Variants in NEGR1 observed in about 807,000 individuals in gnomAD.
The protein encoded by NEGR1 is IgLON family member 4.
NEGR1 carries 10 observed loss-of-function variants against 40.9 expected under a neutral mutation model. That is an observed-to-expected ratio of 0.24 (90% confidence interval 0.15 to 0.42). The LOEUF is 0.42. NEGR1 is among the 10% of genes least tolerant of loss of function. NEGR1 has a pLI of 1.00. For missense variants in NEGR1, 352 were observed against 438.9 expected, an observed-to-expected ratio of 0.80 and a Z score of 1.77; for synonymous variants, 185 against 166.8, an observed-to-expected ratio of 1.11 and a Z score of -0.84.
chr1:71,918,312 A>C (rs1235890137), intron 2 of NEGR1, among the ~76,000 whole-genome samples: 4 of 149,750 alleles, frequency 2.7e-5, no homozygotes, highest in African/African-American at 9.8e-5. Flanking sequence ...GTGAGCTCAA[A>C]AGCCCAAAAG....
chr1:72,090,622 T>A (rs1315777052), intron 1 of NEGR1, among the ~76,000 whole-genome samples: 1 of 147,560 alleles, frequency 6.8e-6, no homozygotes, highest in Non-Finnish European at 1.5e-5. Context: ...ATTTGGATAA[T>A]TTTTTTTTTA....
chr1:72,055,366 A>G (rs909662596), intron 1 of NEGR1, among the ~76,000 whole-genome samples: 6 of 151,198 alleles, frequency 4.0e-5, no homozygotes, highest in African/African-American at 1.5e-4. Context: ...CCTTATATTG[A>G]ACAAAGAATC....
intron 4 of NEGR1, among the ~76,000 whole-genome samples, chr1:71,691,830 C>T (rs1653292927): frequency 1.3e-5 from 2 of 151,196 alleles, no homozygotes; most frequent in Non-Finnish European, 3.0e-5. Flanking sequence ...TCTTATGAAG[C>T]TAAGCAAATG....
At chr1:71,985,258 T>C (rs960890075) in intron 1 of NEGR1, among the ~76,000 whole-genome samples, 2 of 152,190 alleles carry the variant, frequency 1.3e-5, no homozygotes, top group Non-Finnish European at 2.9e-5. Context: ...GTCTCATATG[T>C]TAAAATTTGA....
chr1:71,923,385 T>A (rs35740156), intron 2 of NEGR1, among the ~76,000 whole-genome samples: 33,113 of 148,998 alleles, frequency 0.22, 3,990 homozygotes, highest in Admixed American at 0.36. Flanking sequence ...TCTCTCTCTC[T>A]CACACACACA....
At chr1:71,838,750 G>C (rs1237673512) in intron 2 of NEGR1, among the ~76,000 whole-genome samples, 3 of 151,924 alleles carry the variant, frequency 2.0e-5, no homozygotes, top group Non-Finnish European at 4.4e-5. Flanking sequence ...CAAGCAATAA[G>C]ACATCACATA....
chr1:72,050,920 C>T (rs1647054157), intron 1 of NEGR1, among the ~76,000 whole-genome samples: 1 of 151,412 alleles, frequency 6.6e-6, no homozygotes, highest in Non-Finnish European at 1.5e-5. Flanking sequence ...AATTTGCCTG[C>T]CAAATAGGTA....
intron 6 of NEGR1, among the ~76,000 whole-genome samples, chr1:71,465,084 T>C (rs1435111171): frequency 6.6e-6 from 1 of 152,128 alleles, no homozygotes; most frequent in Non-Finnish European, 1.5e-5. Flanking sequence ...CTTTTCAGAA[T>C]TTATACCATT....
chr1:71,952,893 C>T (rs1346816421), intron 1 of NEGR1, among the ~76,000 whole-genome samples: 1 of 149,120 alleles, frequency 6.7e-6, no homozygotes, highest in Admixed American at 6.8e-5. Flanking sequence ...TCCTGGATGG[C>T]AGCACATTTT....
intron 1 of NEGR1, among the ~76,000 whole-genome samples, chr1:72,219,374 G>C (rs1653935953): frequency 6.6e-6 from 1 of 151,906 alleles, no homozygotes; most frequent in Non-Finnish European, 1.5e-5. Context: ...ATTATGCAAT[G>C]TTTTGAAATT....
intron 1 of NEGR1, among the ~76,000 whole-genome samples, chr1:72,082,218 C>A (rs1648031473): frequency 6.6e-6 from 1 of 152,006 alleles, no homozygotes; most frequent in Non-Finnish European, 1.5e-5. Flanking sequence ...TGGAGGGTGG[C>A]AGGTGGGGGA....
At chr1:71,820,164 T>C (rs942417582) in intron 2 of NEGR1, among the ~76,000 whole-genome samples, 15 of 152,116 alleles carry the variant, frequency 9.9e-5, no homozygotes, top group Admixed American at 2.0e-4. Context: ...GAGATGTTAA[T>C]AAAAGACGAC....
At position 71,712,702 on chromosome 1, in the gene NEGR1, C is replaced by G. The variant is rs137896604; in HGVS notation, c.536-14563G>C. Among the ~76,000 whole-genome samples, 617 of 152,150 alleles carry G rather than the reference C, an allele frequency of 4.1e-3. 3 individuals carry two copies. In the Middle Eastern group the frequency reaches 0.044, roughly 11 times the overall value. ...TCAGTGATATAGTTTGGATTTGAGTCCCTGGTATCCCTGCCCAAATTTCAT... is the reference window on the plus strand; with the variant it reads ...TCAGTGATATAGTTTGGATTTGAGTGCCTGGTATCCCTGCCCAAATTTCAT... On this transcript the variant is annotated intron_variant, in intron 3 of 6. Coordinates refer to ENST00000357731, the MANE Select transcript of NEGR1 (RefSeq NM_173808.3).
chr1:72,077,146 G>T (rs935274151), intron 1 of NEGR1, among the ~76,000 whole-genome samples: 1 of 151,780 alleles, frequency 6.6e-6, no homozygotes, highest in Non-Finnish European at 1.5e-5. Flanking sequence ...CATCCGCCTC[G>T]GCCTCCCAAA....
intron 1 of NEGR1, among the ~76,000 whole-genome samples, chr1:72,243,613 G>A (rs773387204): frequency 6.6e-6 from 1 of 151,656 alleles, no homozygotes; most frequent in African/African-American, 2.4e-5. Flanking sequence ...GTATATTTAA[G>A]TTCATTAATA....
intron 1 of NEGR1, among the ~76,000 whole-genome samples, chr1:71,949,366 C>A (rs910089670): frequency 6.6e-6 from 1 of 152,096 alleles, no homozygotes; most frequent in African/African-American, 2.4e-5. Context: ...TTCTTTATTG[C>A]CCTGCACTGT....
At chr1:71,833,487 TG>T (rs949526851) in intron 2 of NEGR1, among the ~76,000 whole-genome samples, 7 of 151,182 alleles carry the variant, frequency 4.6e-5, no homozygotes, top group African/African-American at 9.8e-5. Flanking sequence ...AGAATCTTTC[TG>T]GGGGGAAAAA....
intron 2 of NEGR1, among the ~76,000 whole-genome samples, chr1:71,807,124 C>G (rs566939613): frequency 6.6e-6 from 1 of 152,042 alleles, no homozygotes; most frequent in Admixed American, 6.5e-5. Context: ...TCTCAATCTC[C>G]TGACCTCATG....
In NEGR1 at chr1:71,776,206, C is replaced by T. The variant is rs147627099; in HGVS notation, c.501G>A (p.Glu167=). 1.3e-4 allele frequency: 215 copies of T among 1,609,160 alleles called. No individual in the cohort carries two copies. Among genetic ancestry groups the T allele is most frequent in the Non-Finnish European group, 1.7e-4 (206 of 1,177,296 alleles). ...AGATGTGTCGCCAAGAAATGGAAGG[C>T]TCTGGTTTCCCAGTGGCCAAACAAG... ...TLTCLATGKP[E]PSISWRHISP... is the part of the protein sequence containing the mutation. Residue 167 remains glutamate (E), a synonymous_variant, in exon 3 of 7, where the codon GAG becomes GAA. Coordinates refer to ENST00000357731, the MANE Select transcript of NEGR1 (RefSeq NM_173808.3).
Sources: allele counts gnomAD v4.1 joint callset (sites outside exome capture counted in the v4.1 genomes callset), GRCh38; gene constraint gnomAD v4.1.1; transcripts MANE v1.5; gene names NCBI Gene and HGNC (gene_info 2026-07-23, HGNC 2026-07-21).